The following HSPA2 variants were observed in gnomAD, a reference collection of about 807,000 sequenced individuals.
HSPA2 encodes heat shock-related 70 kDa protein 2.
In HSPA2, 13 loss-of-function variants were observed where a neutral mutation model predicts 35.0. That is an observed-to-expected ratio of 0.37 (90% CI 0.24 to 0.59). HSPA2 has a LOEUF of 0.59. Among genes scored for constraint, HSPA2 ranks in the 20% least tolerant of loss-of-function variants. HSPA2 has a pLI of 0.70. For missense variants in HSPA2, 565 were observed against 885.4 expected (o/e 0.64, Z 4.59); for synonymous variants, 368 against 382.1 (o/e 0.96, Z 0.43).
Position 64,540,888 on chromosome 14 carries a change from C to T in HSPA2, c.39C>T (p.Gly13=), listed in dbSNP as rs1194811859. Residue 13 remains glycine, a synonymous_variant, in exon 1 of 1, where the codon GGC becomes GGT. Coordinates refer to ENST00000247207, the MANE Select transcript of HSPA2 (RefSeq NM_021979.4). The part of the protein sequence containing the change: ...ARGPAIGIDL[G]TTYSCVGVFQ... ...GCCCGGCTATCGGCATCGACCTGGG[C>T]ACCACCTATTCGTGCGTCGGGGTCT... 2.5e-6 allele frequency: 4 copies of T among 1,614,040 alleles called. No individual in the cohort carries two copies. The highest frequency in any genetic ancestry group is 1.7e-5 in the Admixed American group (1 of 60,010).
upstream of HSPA2, among the ~76,000 whole-genome samples, chr14:64,538,046 C>G (rs939286160): frequency 6.6e-6 from 1 of 152,032 alleles, no homozygotes; most frequent in South Asian, 2.1e-4. Flanking sequence ...TTCTTTAAAA[C>G]GTCCCCTTTT....
upstream of HSPA2, among the ~76,000 whole-genome samples, chr14:64,538,247 A>G (rs775718139): frequency 5.9e-5 from 9 of 152,178 alleles, no homozygotes; most frequent in Non-Finnish European, 1.0e-4. Context: ...TTGGTCACAG[A>G]TAACTTCTGG....
At position 64,541,026 on chromosome 14, in the gene HSPA2, G is replaced by C; in HGVS notation, c.177G>C (p.Gln59His). ...ERLIGDAAKNQVAMNPTNTIF... is the reference protein window; with the variant it reads ...ERLIGDAAKNHVAMNPTNTIF... Reference sequence around the variant, plus strand: ...TCATCGGCGACGCCGCCAAGAACCAGGTGGCCATGAACCCCACCAACACCA... The same window carrying C: ...TCATCGGCGACGCCGCCAAGAACCACGTGGCCATGAACCCCACCAACACCA... Residue 59 changes from glutamine to histidine, a missense_variant, in exon 1 of 1, where the codon CAG becomes CAC. By Grantham distance (24) the Gln-to-His change is conservative. Transcript: ENST00000247207. The C allele has an allele frequency of 6.2e-7, 1 of 1,614,214 alleles. No homozygotes were observed.
Position 64,541,956 on chromosome 14 carries a change from C to A in HSPA2, c.1107C>A (p.Asp369Glu). 16 of 1,613,608 alleles carry A rather than the reference C, an allele frequency of 9.9e-6. No homozygotes were observed. The highest frequency in any genetic ancestry group is 1.4e-5 in the Non-Finnish European group (16 of 1,180,018). ...GKELNKSINP[D>E]EAVAYGAAVQ... ...AGCTGAACAAGAGCATCAACCCCGA[C>A]GAGGCGGTGGCCTATGGCGCCGCGG... The change falls in exon 1 of 1, where the codon GAC (aspartate) becomes GAA (glutamate). Residue 369 changes from aspartate (D) to glutamate (E), a missense_variant. Coordinates refer to ENST00000247207, the MANE Select transcript of HSPA2 (RefSeq NM_021979.4).
chr14:64,542,470 G>A lies in HSPA2; in HGVS notation c.1621G>A (p.Ala541Thr), dbSNP rs763879452. 2 of 1,613,674 alleles carry A rather than the reference G, an allele frequency of 1.2e-6. No individual in the cohort carries two copies. Among genetic ancestry groups the A allele is most frequent in the Admixed American group, 1.7e-5 (1 of 59,980 alleles). The part of the protein sequence containing the change: ...EDEANRDRVA[A>T]KNALESYTYN... Reference sequence around the variant, plus strand: ...TGAGGCGAATCGCGACCGAGTCGCGGCCAAAAACGCCCTGGAGTCCTATAC... The same window carrying A: ...TGAGGCGAATCGCGACCGAGTCGCGACCAAAAACGCCCTGGAGTCCTATAC... Residue 541 changes from alanine to threonine, a missense_variant, in exon 1 of 1, where the codon GCC becomes ACC. Physicochemically the swap from Ala to Thr is moderately conservative, Grantham distance 58 (BLOSUM62 0). Transcript: ENST00000247207. This position sits in a 1 kb window ranked among gnomAD's most constrained non-coding sequence, Gnocchi z 5.7.
At chr14:64,539,149 T>C (rs2080003286), upstream of HSPA2, among the ~76,000 whole-genome samples, 1 of 152,150 alleles carries the variant, frequency 6.6e-6, no homozygotes, top group African/African-American at 2.4e-5. Context: ...GATTATTACC[T>C]GGTGCCAGGG....
upstream of HSPA2, among the ~76,000 whole-genome samples, chr14:64,537,526 G>C (rs1663599792): frequency 6.6e-6 from 1 of 151,790 alleles, no homozygotes; most frequent in African/African-American, 2.4e-5. Context: ...AGGAGGCAGA[G>C]GTTGCAGTGA....
rs931563715 is a variant in HSPA2 at position 64,542,881 on chromosome 14, T to C, written c.*112T>C. On this transcript the variant is annotated 3_prime_UTR_variant, in exon 1 of 1. Transcript: ENST00000247207. The surrounding 1 kb of genome is among the most constrained non-coding windows in gnomAD (Gnocchi z 5.7). ...GTACGAGATCTATTGTTGGAAGTCTTTGGTATATGCAAATGAAAGGAGAGG... is the reference window on the plus strand; with the variant it reads ...GTACGAGATCTATTGTTGGAAGTCTCTGGTATATGCAAATGAAAGGAGAGG... 3.2e-5 allele frequency: 46 copies of C among 1,434,550 alleles called. No individual in the cohort carries two copies. The highest frequency in any genetic ancestry group is 3.8e-5 in the Non-Finnish European group (41 of 1,083,392). The allele number at this position is 1,434,550 out of a possible 1,614,324, so 88.9% of individuals were successfully genotyped here.
rs11551976 is a variant in HSPA2 at position 64,542,502 on chromosome 14, C to T, written c.1653C>T (p.Asn551=). The part of the protein sequence containing the change: ...AKNALESYTY[N]IKQTVEDEKL... ...ACGCCCTGGAGTCCTATACCTACAA[C>T]ATCAAGCAGACGGTGGAAGACGAGA... The change falls in exon 1 of 1, where the codon AAC becomes AAT. Residue 551 remains asparagine, a synonymous_variant. Transcript: ENST00000247207. The surrounding 1 kb of genome is among the most constrained non-coding windows in gnomAD (Gnocchi z 5.7). 0.037 allele frequency: 59,570 copies of T among 1,613,378 alleles called. 1,307 individuals carry two copies. Among genetic ancestry groups the T allele is most frequent in the Middle Eastern group, 0.062 (377 of 6,062 alleles).
chr14:64,540,277 C>G, upstream of HSPA2: 1 of 170,042 alleles, frequency 5.9e-6, no homozygotes, highest in Admixed American at 5.4e-5. Flanking sequence ...GCATTTAAAA[C>G]CTCAGGAATT....
chr14:64,538,679 A>T (rs1465661837), upstream of HSPA2, among the ~76,000 whole-genome samples: 1 of 152,018 alleles, frequency 6.6e-6, no homozygotes, highest in South Asian at 2.1e-4. Context: ...AATTATGTTT[A>T]CCTGTTTATT....
upstream of HSPA2, among the ~76,000 whole-genome samples, chr14:64,537,552 C>T (rs2079988645): frequency 1.3e-5 from 2 of 151,772 alleles, no homozygotes; most frequent in Admixed American, 6.6e-5. Flanking sequence ...TGCACTCCAG[C>T]CTGGCGACAG....
upstream of HSPA2, among the ~76,000 whole-genome samples, chr14:64,540,049 G>C (rs1055801748): frequency 1.3e-5 from 2 of 151,932 alleles, no homozygotes; most frequent in African/African-American, 4.8e-5. Context: ...TAAAATCCCA[G>C]GAGGCCGACC....
upstream of HSPA2, chr14:64,540,564 G>A: frequency 4.2e-6 from 2 of 476,052 alleles, no homozygotes; most frequent in Non-Finnish European, 7.5e-6. Context: ...CTCCTGGCGG[G>A]GGCCGGAGTC....
At chr14:64,538,848 A>AT (rs1394017728), upstream of HSPA2, among the ~76,000 whole-genome samples, 3 of 152,060 alleles carry the variant, frequency 2.0e-5, no homozygotes, top group Non-Finnish European at 1.5e-5. Context: ...CATTTATTTT[A>AT]TTTTTTTGAG....
At chr14:64,539,216 C>T (rs1566641839), upstream of HSPA2, among the ~76,000 whole-genome samples, 1 of 152,200 alleles carries the variant, frequency 6.6e-6, no homozygotes, top group Middle Eastern at 3.4e-3. Context: ...AATCGCGCTC[C>T]TTTTCATCTA....
At position 64,542,862 on chromosome 14, in the gene HSPA2, G is replaced by A. The variant is rs965327353; in HGVS notation, c.*93G>A. 7 of 1,463,202 alleles carry A rather than the reference G, an allele frequency of 4.8e-6. No individual in the cohort carries two copies. In the South Asian group the frequency reaches 1.0e-4, roughly 21 times the overall value. The allele number at this position is 1,463,202 out of a possible 1,614,324, so 90.6% of individuals were successfully genotyped here. On this transcript the variant is annotated 3_prime_UTR_variant, in exon 1 of 1. Coordinates refer to ENST00000247207, the MANE Select transcript of HSPA2 (RefSeq NM_021979.4). This position sits in a 1 kb window ranked among gnomAD's most constrained non-coding sequence, Gnocchi z 5.7. Reference sequence around the variant, plus strand: ...TGAAATGTCCTTGTGCCAAGTACGAGATCTATTGTTGGAAGTCTTTGGTAT... The same window carrying A: ...TGAAATGTCCTTGTGCCAAGTACGAAATCTATTGTTGGAAGTCTTTGGTAT...
In HSPA2 at chr14:64,542,682, C is replaced by A; in HGVS notation, c.1833C>A (p.Ser611Arg). 6.2e-7 allele frequency: 1 copy of A among 1,614,052 alleles called. No individual in the cohort carries two copies. The change falls in exon 1 of 1, where the codon AGC (serine) becomes AGA (arginine). Residue 611 changes from serine (S) to arginine (R), a missense_variant. Ser to Arg is a moderately radical substitution (Grantham distance 110, BLOSUM62 -1). Around this residue, in one of 4 missense-constraint regions of HSPA2, gnomAD observed 147 missense variants for 166.7 expected, o/e 0.88. Transcript: ENST00000247207. This position sits in a 1 kb window ranked among gnomAD's most constrained non-coding sequence, Gnocchi z 5.7. ...ELERVCNPII[S>R]KLYQGGPGGG... ...AAAGAGTTTGCAACCCCATCATCAG[C>A]AAACTTTACCAAGGTGGTCCTGGCG...
upstream of HSPA2, chr14:64,540,733 G>C (rs766532514): frequency 3.7e-4 from 537 of 1,462,628 alleles, no homozygotes; most frequent in Admixed American, 8.2e-4. Context: ...AACTGGGCGC[G>C]GGGAGCTGAG....
Sources: gnomAD v4.1 joint callset for allele counts (sites outside exome capture counted in the v4.1 genomes callset) on GRCh38, gnomAD v4.1.1 for gene constraint, gnomAD v4.1.1 regional missense constraint, Gnocchi (gnomAD v3.1) non-coding constraint, MANE v1.5 for transcripts, NCBI Gene and HGNC (gene_info 2026-07-23, HGNC 2026-07-21) for gene names.